ANKRD54: variants seen among roughly 807,000 people sequenced by gnomAD.
ANKRD54 encodes ankyrin repeat domain-containing protein 54.
In ANKRD54, 26 loss-of-function variants were observed where a neutral mutation model predicts 36.2. The observed-to-expected ratio is 0.72, with a 90% confidence interval of 0.53 to 1.00. The LOEUF is 1.00. ANKRD54 is among the 50% of genes least tolerant of loss of function. The pLI, the probability that ANKRD54 is intolerant of heterozygous loss-of-function variation, is 0.00. For missense variants in ANKRD54, 384 were observed against 424.3 expected (o/e 0.91, Z 0.83); for synonymous variants, 209 against 188.4 (o/e 1.11, Z -0.89).
chr22:37,837,852 G>A (rs1923740557), intron 3 of ANKRD54, among the ~76,000 whole-genome samples: 1 of 151,588 alleles, frequency 6.6e-6, no homozygotes, highest in African/African-American at 2.4e-5. Context: ...TAACCGGTGT[G>A]GCCGGGTGCA....
Position 37,843,974 on chromosome 22 carries a change from C to T in ANKRD54, c.265G>A (p.Gly89Ser). The T allele has an allele frequency of 7.1e-7, 1 of 1,417,166 alleles. No individual in the cohort carries two copies. The highest frequency in any genetic ancestry group is 9.2e-7 in the Non-Finnish European group (1 of 1,087,846). The allele number at this position is 1,417,166 out of a possible 1,614,324, so 87.8% of individuals were successfully genotyped here. A position where few individuals can be genotyped will look rare whatever the true frequency, so the allele number is the denominator to read the frequency against. The change falls in exon 1 of 8, where the codon GGC becomes AGC. Residue 89 changes from glycine (G) to serine (S), a missense_variant. Around this residue, in one of 3 missense-constraint regions of ANKRD54, gnomAD observed 195 missense variants for 177.7 expected, o/e 1.10. Transcript: ENST00000215941. The part of the protein sequence containing the change: ...RDELRCKIPA[G>S]RLRRAARPHR... ...GGCCTGGCAGCGCGCCTCAGCCGGC[C>T]AGCGGGTATCTTGCAGCGCAGCTCG...
chr22:37,846,939 C>T (rs900680306), upstream of ANKRD54, among the ~76,000 whole-genome samples: 5 of 150,974 alleles, frequency 3.3e-5, no homozygotes, highest in African/African-American at 4.8e-5. Flanking sequence ...CTGCAAGCTC[C>T]GCCTCCCGGG....
intron 1 of ANKRD54, among the ~76,000 whole-genome samples, chr22:37,841,393 G>T (rs750672766): frequency 1.3e-5 from 2 of 152,102 alleles, no homozygotes; most frequent in Non-Finnish European, 2.9e-5. Context: ...GGGCATGGGG[G>T]TGCACGCCTA....
At chr22:37,843,858 C>A in intron 1 of ANKRD54, 53 bp downstream of exon 1, 1 of 1,169,532 alleles carries the variant, frequency 8.6e-7, no homozygotes, top group South Asian at 4.2e-5. Context: ...TGAGGCCCCG[C>A]CCCTCGCCCG....
intron 4 of ANKRD54, among the ~76,000 whole-genome samples, 186 bp downstream of exon 4, chr22:37,833,498 A>G (rs1371437668): frequency 6.6e-6 from 1 of 152,112 alleles, no homozygotes; most frequent in Non-Finnish European, 1.5e-5. Flanking sequence ...GGCACAGCCA[A>G]CTGCTAAATG....
At chr22:37,843,858 C>T in intron 1 of ANKRD54, 53 bp downstream of exon 1, 3 of 1,169,532 alleles carry the variant, frequency 2.6e-6, no homozygotes, top group Non-Finnish European at 2.1e-6. Flanking sequence ...TGAGGCCCCG[C>T]CCCTCGCCCG....
At chr22:37,832,845 AGT>A in intron 6 of ANKRD54, 101 bp from the exon 7 acceptor site, 1 of 1,602,390 alleles carries the variant, frequency 6.2e-7, no homozygotes. Flanking sequence ...AACTGGGGTC[AGT>A]GTGAAACAAC....
At chr22:37,843,074 C>T (rs1924478181) in intron 1 of ANKRD54, among the ~76,000 whole-genome samples, 1 of 152,236 alleles carries the variant, frequency 6.6e-6, no homozygotes, top group African/African-American at 2.4e-5. Flanking sequence ...GCAAAGGCAG[C>T]ATAACAGCTA....
chr22:37,844,306 T>C lies in ANKRD54; in HGVS notation c.-68A>G. 2.0e-6 allele frequency: 3 copies of C among 1,504,978 alleles called. No individual in the cohort carries two copies. Among genetic ancestry groups the C allele is most frequent in the Admixed American group, 2.1e-5 (1 of 48,692 alleles). The allele number at this position is 1,504,978 out of a possible 1,614,324, so 93.2% of individuals were successfully genotyped here. A position where few individuals can be genotyped will look rare whatever the true frequency, so the allele number is the denominator to read the frequency against. On this transcript the variant is annotated 5_prime_UTR_variant, in exon 1 of 8. Transcript: ENST00000215941. ...CGACCGACCAACGGACCTACTTCCCTCCGCCCTGAGTCGTGCTGTCAGCGA... is the reference window on the plus strand; with the variant it reads ...CGACCGACCAACGGACCTACTTCCCCCCGCCCTGAGTCGTGCTGTCAGCGA...
chr22:37,832,561 G>A lies in ANKRD54; in HGVS notation c.828+76C>T. The A allele has an allele frequency of 3.7e-6, 5 of 1,342,562 alleles. No homozygotes were observed. The Admixed American group carries it at 9.4e-5, about 25-fold the overall frequency. 83.2% of individuals were successfully genotyped at this position (1,342,562 alleles called of 1,614,324 possible). A position where few individuals can be genotyped will look rare whatever the true frequency, so the allele number is the denominator to read the frequency against. On this transcript the variant is annotated intron_variant, in intron 7 of 7. Coordinates refer to ENST00000215941, the MANE Select transcript of ANKRD54 (RefSeq NM_138797.4). ...CAGCCTCTTTCTGATACGAGTGTCT[G>A]GTGGCATCGGAGCAGGGTGGACTGG...
rs1439674225 is a variant in ANKRD54, at chr22:37,841,715, G to C, written c.329-1481C>G. On this transcript the variant is annotated intron_variant, in intron 1 of 7. Transcript: ENST00000215941. ...ATACAAAAATTAGCCAGGCATGGTG[G>C]TGCATGCCTGTTATCCCAACTACTC... Among the ~76,000 whole-genome samples the C allele has an allele frequency of 4.0e-5, 6 of 151,826 alleles. No individual in the cohort carries two copies. In the East Asian group the frequency reaches 1.2e-3, roughly 29 times the overall value.
chr22:37,841,329 C>T (rs1163449054), intron 1 of ANKRD54, among the ~76,000 whole-genome samples: 3 of 151,930 alleles, frequency 2.0e-5, no homozygotes, highest in Non-Finnish European at 4.4e-5. Context: ...AGTTTGAAAC[C>T]ACCCTGGGCA....
chr22:37,838,434 C>A, intron 3 of ANKRD54, 66 bp downstream of exon 3: 1 of 1,481,028 alleles, frequency 6.8e-7, no homozygotes, highest in Non-Finnish European at 9.2e-7. Context: ...AGCAGCGCCT[C>A]CCCCAAGGCC....
At chr22:37,836,920 C>A (rs765674841) in intron 3 of ANKRD54, among the ~76,000 whole-genome samples, 19 of 151,026 alleles carry the variant, frequency 1.3e-4, no homozygotes, top group Non-Finnish European at 2.2e-4. Context: ...TCCCAGCTAC[C>A]CGGGAGGCTG....
chr22:37,844,196 C>T lies in ANKRD54; in HGVS notation c.43G>A (p.Gly15Ser), dbSNP rs544426856. 58 of 1,519,498 alleles carry T rather than the reference C, an allele frequency of 3.8e-5. No individual in the cohort carries two copies. In the African/African-American group the frequency reaches 7.6e-4, roughly 20 times the overall value. 94.1% of individuals were successfully genotyped at this position (1,519,498 alleles called of 1,614,324 possible). A position where few individuals can be genotyped will look rare whatever the true frequency, so the allele number is the denominator to read the frequency against. The change falls in exon 1 of 8, where the codon GGC becomes AGC. Residue 15 changes from glycine (G) to serine (S), a missense_variant. Gly to Ser is a moderately conservative substitution (Grantham distance 56). Coordinates refer to ENST00000215941, the MANE Select transcript of ANKRD54 (RefSeq NM_138797.4). ...AGDADDEPRSGHSSSEGECAV... is the reference protein window; with the variant it reads ...AGDADDEPRSSHSSSEGECAV... ...CACTCGCCCTCCGAGCTCGAGTGGCCTGAGCGCGGCTCGTCGTCCGCGTCC... is the reference window on the plus strand; with the variant it reads ...CACTCGCCCTCCGAGCTCGAGTGGCTTGAGCGCGGCTCGTCGTCCGCGTCC...
chr22:37,846,721 C>T (rs1026616481), upstream of ANKRD54, among the ~76,000 whole-genome samples: 1 of 152,212 alleles, frequency 6.6e-6, no homozygotes, highest in Admixed American at 6.5e-5. Context: ...CCACCACATC[C>T]AGCCCCATGA....
chr22:37,833,119 AG>A, intron 5 of ANKRD54, 37 bp from the exon 6 acceptor site: 1 of 1,613,932 alleles, frequency 6.2e-7, no homozygotes, highest in South Asian at 1.1e-5. Context: ...TCTGGGGGTG[AG>A]GGGGAGAAAG....
chr22:37,844,383 C>T, upstream of ANKRD54: 1 of 843,360 alleles, frequency 1.2e-6, no homozygotes, highest in Non-Finnish European at 1.7e-6. Flanking sequence ...GGGGCGGGCT[C>T]AGGCCGAGAC....
At chr22:37,842,336 C>T (rs1924381597) in intron 1 of ANKRD54, among the ~76,000 whole-genome samples, 1 of 152,236 alleles carries the variant, frequency 6.6e-6, no homozygotes. Flanking sequence ...CCACATCCTC[C>T]TGCAAATCCT....
Sources: allele counts gnomAD v4.1 joint callset (sites outside exome capture counted in the v4.1 genomes callset), GRCh38; gene constraint gnomAD v4.1.1; regional missense constraint gnomAD v4.1.1; transcripts MANE v1.5; gene names NCBI Gene and HGNC (gene_info 2026-07-23, HGNC 2026-07-21).